The following BBS9 variants were observed in gnomAD, a reference collection of about 807,000 sequenced individuals.
BBS9 encodes Bardet-Biedl syndrome 9.
Under a neutral mutation model 117.7 loss-of-function variants are expected in BBS9, and 89 were observed. The observed-to-expected ratio is 0.76, with a 90% CI of 0.64 to 0.90. The LOEUF (loss-of-function observed/expected upper bound fraction) is 0.90. BBS9 is among the 40% of genes least tolerant of loss of function. The pLI is 0.00. For synonymous variants in BBS9, 379 were observed against 370.9 expected, an observed-to-expected ratio of 1.02 and a Z score of -0.25; for missense variants, 982 against 1,042.2, an observed-to-expected ratio of 0.94 and a Z score of 0.80.
intron 19 of BBS9, among the ~76,000 whole-genome samples, chr7:33,492,222 A>AAC (rs1844067345): frequency 7.0e-6 from 1 of 143,292 alleles, no homozygotes; most frequent in Admixed American, 7.0e-5. Context: ...AACAAAAAAA[A>AAC]AACAAAAAAA....
chr7:33,237,024 A>G (rs1793652683), intron 5 of BBS9, among the ~76,000 whole-genome samples: 1 of 152,156 alleles, frequency 6.6e-6, no homozygotes, highest in African/African-American at 2.4e-5. Context: ...TTTTATATTT[A>G]TAAATCATTG....
chr7:33,601,762 A>G (rs912282899), intron 21 of BBS9, among the ~76,000 whole-genome samples: 1 of 152,156 alleles, frequency 6.6e-6, no homozygotes, highest in Non-Finnish European at 1.5e-5. Context: ...ATACGCAGTC[A>G]TCAGAAGCAG....
chr7:33,392,800 A>G (rs1248376893), intron 19 of BBS9, among the ~76,000 whole-genome samples: 1 of 152,182 alleles, frequency 6.6e-6, no homozygotes, highest in African/African-American at 2.4e-5. Flanking sequence ...TTCACTCATA[A>G]GCAGTTGTAG....
At chr7:33,537,037 G>C (rs906037871) in intron 21 of BBS9, among the ~76,000 whole-genome samples, 2 of 151,944 alleles carry the variant, frequency 1.3e-5, no homozygotes, top group African/African-American at 2.4e-5. Context: ...TTGCAGAGAT[G>C]ATCTTTTTTT....
At chr7:33,618,474 T>G (rs1394480928) in intron 21 of BBS9, among the ~76,000 whole-genome samples, 1 of 152,208 alleles carries the variant, frequency 6.6e-6, no homozygotes, top group Non-Finnish European at 1.5e-5. Flanking sequence ...TAAATCACTT[T>G]GACCTCTAGT....
downstream of BBS9, among the ~76,000 whole-genome samples, chr7:33,606,776 G>A (rs762367943): frequency 6.6e-6 from 1 of 152,012 alleles, no homozygotes; most frequent in Non-Finnish European, 1.5e-5. Context: ...CACATTCGAG[G>A]TCCTCTTGGA....
At position 33,293,090 on chromosome 7, in the gene BBS9, G is replaced by T. The variant is rs1354042811; in HGVS notation, c.1016+19134G>T. Among the ~76,000 whole-genome samples the T allele has an allele frequency of 2.6e-5, 4 of 151,750 alleles. No homozygotes were observed. The East Asian group carries it at 7.7e-4, about 29-fold the overall frequency. ...TTTATACCAACAGTCATGAGTTCAA[G>T]TGTTTTTATGTACAAAATTTCTCAT... On this transcript the variant is annotated intron_variant, in intron 9 of 22. Coordinates refer to ENST00000242067, the MANE Select transcript of BBS9 (RefSeq NM_198428.3).
At chr7:33,519,580 C>A (rs1259288643) in intron 20 of BBS9, among the ~76,000 whole-genome samples, 2 of 151,082 alleles carry the variant, frequency 1.3e-5, no homozygotes, top group Non-Finnish European at 2.9e-5. Flanking sequence ...GAGCATTGTG[C>A]TTTTTTTTTA....
intron 19 of BBS9, among the ~76,000 whole-genome samples, chr7:33,398,958 G>T (rs529804527): frequency 5.3e-5 from 8 of 152,152 alleles, no homozygotes; most frequent in Admixed American, 5.2e-4. Flanking sequence ...GATTACAGGC[G>T]TGAGCCACTG....
At chr7:33,464,598 G>A (rs905087138) in intron 19 of BBS9, among the ~76,000 whole-genome samples, 1 of 151,832 alleles carries the variant, frequency 6.6e-6, no homozygotes, top group Middle Eastern at 3.2e-3. Context: ...TTTTCCTACT[G>A]GAGTATAGGA....
chr7:33,635,515 G>GCC (rs1866102479), exon 22 of BBS9, among the ~76,000 whole-genome samples: 1 of 152,200 alleles, frequency 6.6e-6, no homozygotes, highest in Non-Finnish European at 1.5e-5. Context: ...GGCTCTTCCA[G>GCC]TCTGTGAGCT....
intron 5 of BBS9, among the ~76,000 whole-genome samples, chr7:33,238,835 A>G (rs1442234534): frequency 1.3e-5 from 2 of 152,164 alleles, no homozygotes; most frequent in African/African-American, 4.8e-5. Context: ...CCCCAAGTCA[A>G]TAATTATTCT....
At chr7:33,340,834 G>GA in intron 10 of BBS9, 63 bp from the exon 11 acceptor site, 1 of 1,453,186 alleles carries the variant, frequency 6.9e-7, no homozygotes, top group Admixed American at 1.8e-5. Flanking sequence ...AACCTTTAAA[G>GA]AAAAACTATA....
chr7:33,139,958 A>C (rs1791179331), intron 1 of BBS9, among the ~76,000 whole-genome samples: 1 of 151,724 alleles, frequency 6.6e-6, no homozygotes, highest in Non-Finnish European at 1.5e-5. Flanking sequence ...ACTTCCTTCG[A>C]GATAACTCAC....
intron 19 of BBS9, among the ~76,000 whole-genome samples, chr7:33,455,612 C>T (rs117742456): frequency 0.019 from 2,967 of 152,218 alleles, 32 homozygotes; most frequent in Middle Eastern, 0.041. Flanking sequence ...AAACTATCCC[C>T]GCACCAATGA....
intron 21 of BBS9, among the ~76,000 whole-genome samples, chr7:33,614,967 C>G (rs567968995): frequency 1.3e-5 from 2 of 152,126 alleles, no homozygotes; most frequent in East Asian, 1.9e-4. Context: ...ACGGGAAATA[C>G]CTGATGTCAG....
chr7:33,402,219 G>C (rs568304829), intron 19 of BBS9, among the ~76,000 whole-genome samples: 1 of 152,216 alleles, frequency 6.6e-6, no homozygotes, highest in South Asian at 2.1e-4. Context: ...TTGCCTATTA[G>C]ATTACATTGA....
At chr7:33,339,155 A>G (rs957370179) in intron 10 of BBS9, among the ~76,000 whole-genome samples, 1 of 152,152 alleles carries the variant, frequency 6.6e-6, no homozygotes. Context: ...TTGGCTTGGC[A>G]GTTCCACAGT....
chr7:33,226,159 G>A (rs1791231277), intron 5 of BBS9, among the ~76,000 whole-genome samples: 1 of 152,164 alleles, frequency 6.6e-6, no homozygotes, highest in Non-Finnish European at 1.5e-5. Context: ...AGTTTGAAAA[G>A]TGATCCTTAC....
Sources: gnomAD v4.1 joint callset for allele counts (sites outside exome capture counted in the v4.1 genomes callset) on GRCh38, gnomAD v4.1.1 for gene constraint, MANE v1.5 for transcripts, NCBI Gene and HGNC (gene_info 2026-07-23, HGNC 2026-07-21) for gene names.